Variants in BIRC6 observed in about 807,000 individuals in gnomAD.
BIRC6 encodes baculoviral IAP repeat containing 6.
A neutral mutation model predicts 503.3 loss-of-function variants in BIRC6; 98 were observed. That is an observed-to-expected ratio of 0.19 (90% CI 0.17 to 0.23). The LOEUF is 0.23. BIRC6 is among the 10% of genes least tolerant of loss of function. BIRC6 has a pLI of 1.00. For missense variants in BIRC6, 5,360 were observed against 5,806.0 expected, an observed-to-expected ratio of 0.92 and a Z score of 2.50; for synonymous variants, 2,240 against 2,078.7, an observed-to-expected ratio of 1.08 and a Z score of -2.11.
chr2:32,609,344 T>G (rs2062696414), intron 72 of BIRC6, among the ~76,000 whole-genome samples: 1 of 151,910 alleles, frequency 6.6e-6, no homozygotes, highest in South Asian at 2.1e-4. Context: ...TGTCTCTCCA[T>G]AGTATACCTA....
intron 34 of BIRC6, 125 bp from the exon 35 acceptor site, chr2:32,477,243 G>GT: frequency 3.9e-6 from 3 of 770,702 alleles, no homozygotes; most frequent in Non-Finnish European, 6.1e-6. Context: ...AACTTACAGT[G>GT]TATCTAAAAA....
chr2:32,358,953 T>A (rs909637231), intron 1 of BIRC6, among the ~76,000 whole-genome samples: 1 of 152,192 alleles, frequency 6.6e-6, no homozygotes, highest in African/African-American at 2.4e-5. Flanking sequence ...TAATTGGATG[T>A]CTTTCTTTTT....
rs1371243387 is a variant in BIRC6, at chr2:32,392,034, T to C, written c.840-5T>C. Reference sequence around the variant, plus strand: ...TTCAATTACATAAAGTATGTTTACTTTTAGATCACTGATGTATAGTGAAGC... The same window carrying C: ...TTCAATTACATAAAGTATGTTTACTCTTAGATCACTGATGTATAGTGAAGC... On this transcript the variant is annotated splice_polypyrimidine_tract_variant and splice_region_variant and intron_variant, in intron 4 of 73. Coordinates refer to ENST00000421745, the MANE Select transcript of BIRC6 (RefSeq NM_016252.4). The C allele has an allele frequency of 6.5e-7, 1 of 1,537,928 alleles. No homozygotes were observed. Among genetic ancestry groups the C allele is most frequent in the Non-Finnish European group, 8.8e-7 (1 of 1,130,078 alleles).
In BIRC6 at chr2:32,481,364, C is replaced by G. The variant is rs766494611; in HGVS notation, c.7453C>G (p.Leu2485Val). The change falls in exon 38 of 74, where the codon CTT (leucine) becomes GTT (valine). Residue 2485 changes from leucine to valine, a missense_variant. By Grantham distance (32) the Leu-to-Val change is conservative. This residue lies in a region of BIRC6 where 2,299 missense variants were observed against 2,267.2 expected (regional missense o/e 1.01). Coordinates refer to ENST00000421745, the MANE Select transcript of BIRC6 (RefSeq NM_016252.4). Reference protein sequence around the residue: ...SSLEKDKEIDLELLQDLMEVD... With the variant: ...SSLEKDKEIDVELLQDLMEVD... ...TTTGGAAAAAGATAAAGAAATTGAC[C>G]TTGAGTTACTTCAGGATCTAATGGA... The G allele has an allele frequency of 7.4e-5, 119 of 1,610,124 alleles. No individual in the cohort carries two copies. Among genetic ancestry groups the G allele is most frequent in the Non-Finnish European group, 1.0e-4 (119 of 1,177,820 alleles).
At chr2:32,375,741 CTCTT>C (rs1378877063) in intron 1 of BIRC6, among the ~76,000 whole-genome samples, 1 of 106,968 alleles carries the variant, frequency 9.3e-6, no homozygotes, top group East Asian at 3.1e-4. Context: ...TTCTTTCTCT[CTCTT>C]TTTTTTTTTT....
At chr2:32,527,227 T>C (rs926408641) in intron 59 of BIRC6, 3 of 152,218 alleles carry the variant, frequency 2.0e-5, no homozygotes, top group Non-Finnish European at 4.4e-5. Flanking sequence ...TCTTTTCTGA[T>C]TGGTTTCATA....
chr2:32,591,225 AATAT>A (rs1392618957), intron 66 of BIRC6, among the ~76,000 whole-genome samples: 1 of 152,228 alleles, frequency 6.6e-6, no homozygotes, highest in African/African-American at 2.4e-5. Context: ...TCAAAGGTCT[AATAT>A]ATATCTGCTT....
intron 65 of BIRC6, among the ~76,000 whole-genome samples, chr2:32,573,095 T>C (rs1045699433): frequency 8.5e-5 from 13 of 152,202 alleles, no homozygotes; most frequent in Non-Finnish European, 1.5e-5. Context: ...AGAATGTAAC[T>C]CATGTCCTTC....
chr2:32,473,143 A>C lies in BIRC6; in HGVS notation c.6624A>C (p.Leu2208=). The C allele has an allele frequency of 1.9e-6, 3 of 1,580,222 alleles. No individual in the cohort carries two copies. Among genetic ancestry groups the C allele is most frequent in the Non-Finnish European group, 2.6e-6 (3 of 1,160,660 alleles). Residue 2208 remains leucine (L), a synonymous_variant, in exon 33 of 74, where the codon CTA becomes CTC. Coordinates refer to ENST00000421745, the MANE Select transcript of BIRC6 (RefSeq NM_016252.4). ...GNQWSFINNN[L]HTQSLNRSSK... ...AGTGGAGTTTTATTAACAATAATCT[A>C]CACACTCAGAGCTTAAATAGATCTT...
At chr2:32,608,744 T>TA (rs1417359206) in intron 72 of BIRC6, among the ~76,000 whole-genome samples, 10 of 152,178 alleles carry the variant, frequency 6.6e-5, no homozygotes, top group African/African-American at 1.4e-4. Flanking sequence ...GTTACCCTTC[T>TA]ACTAGCAAAC....
At position 32,436,880 on chromosome 2, in the gene BIRC6, T is replaced by C. The variant is rs13019385; in HGVS notation, c.3631+696T>C. On this transcript the variant is annotated intron_variant, in intron 15 of 73. Transcript: ENST00000421745. ...ACCTGGCCAAGAGAGGTTTTTTTTG[T>C]TTTTTCTTTTTTTTTTTTTTTTTTT... Among the ~76,000 whole-genome samples the C allele has an allele frequency of 1.4e-4, 15 of 110,456 alleles. No individual in the cohort carries two copies. In the Admixed American group the frequency reaches 2.0e-3, roughly 15 times the overall value. The allele number at this position is 110,456 out of a possible 152,430, so 72.5% of individuals were successfully genotyped here.
intron 33 of BIRC6, among the ~76,000 whole-genome samples, chr2:32,474,374 A>G (rs2049484103): frequency 6.6e-6 from 1 of 152,060 alleles, no homozygotes; most frequent in Admixed American, 6.6e-5. Context: ...TAATGTTTAT[A>G]CTCAGTGCAT....
chr2:32,580,028 AC>A (rs1305723203), intron 66 of BIRC6, among the ~76,000 whole-genome samples: 1 of 145,812 alleles, frequency 6.9e-6, no homozygotes, highest in Admixed American at 7.2e-5. Context: ...ATCTCGGCTC[AC>A]TGCAACCTCC....
intron 1 of BIRC6, among the ~76,000 whole-genome samples, chr2:32,374,491 G>A (rs879923283): frequency 2.1e-5 from 2 of 93,864 alleles, no homozygotes; most frequent in Non-Finnish European, 4.4e-5. Context: ...TTTTTTTTTT[G>A]TGACGGAGTC....
chr2:32,462,556 C>G (rs532678396), intron 23 of BIRC6, among the ~76,000 whole-genome samples: 31 of 152,170 alleles, frequency 2.0e-4, no homozygotes, highest in Admixed American at 5.9e-4. Context: ...TGTGTTGTTG[C>G]AATAAGAAAA....
chr2:32,447,077 A>C (rs1297577756), intron 21 of BIRC6, among the ~76,000 whole-genome samples: 1 of 144,990 alleles, frequency 6.9e-6, no homozygotes, highest in Non-Finnish European at 1.5e-5. Context: ...GGATAAGGTC[A>C]CAGATCAACA....
At chr2:32,378,916 A>G (rs2037226681) in intron 2 of BIRC6, 1 of 152,170 alleles carries the variant, frequency 6.6e-6, no homozygotes, top group African/African-American at 2.4e-5. Flanking sequence ...TGCAGTTTGA[A>G]AGTACATTTT....
chr2:32,494,903 C>CAACA (rs557288958), intron 45 of BIRC6, among the ~76,000 whole-genome samples: 8 of 152,036 alleles, frequency 5.3e-5, no homozygotes, highest in Non-Finnish European at 1.2e-4. Flanking sequence ...GGTGACAGAA[C>CAACA]AACACTCTTT....
At chr2:32,456,800 A>G (rs775783721) in intron 23 of BIRC6, among the ~76,000 whole-genome samples, 1 of 152,132 alleles carries the variant, frequency 6.6e-6, no homozygotes, top group Admixed American at 6.6e-5. Context: ...TTTTTAGTTA[A>G]TGAGGCCAGT....
Sources: gnomAD v4.1 joint callset for allele counts (sites outside exome capture counted in the v4.1 genomes callset) on GRCh38, gnomAD v4.1.1 for gene constraint, gnomAD v4.1.1 regional missense constraint, MANE v1.5 for transcripts, NCBI Gene and HGNC (gene_info 2026-07-23, HGNC 2026-07-21) for gene names.